Variants in CDH18 observed in about 807,000 individuals in gnomAD.
The protein encoded by CDH18 is cadherin 18.
CDH18 carries 31 observed loss-of-function variants against 67.9 expected under a neutral mutation model. That is an observed-to-expected ratio of 0.46 (90% CI 0.34 to 0.62). CDH18 has a LOEUF of 0.62. CDH18 is among the 20% of genes least tolerant of loss of function. The pLI is 0.01. For missense variants in CDH18, 890 were observed against 975.5 expected (o/e 0.91, Z 1.17); for synonymous variants, 362 against 347.2 (o/e 1.04, Z -0.48).
intron 1 of CDH18, among the ~76,000 whole-genome samples, chr5:20,438,363 T>C (rs1430402576): frequency 6.6e-6 from 1 of 151,324 alleles, no homozygotes; most frequent in Non-Finnish European, 1.5e-5. Flanking sequence ...ATCAGGTATC[T>C]ATATACCCCA....
chr5:20,329,381 A>T (rs1317464812), intron 1 of CDH18, among the ~76,000 whole-genome samples: 1 of 152,236 alleles, frequency 6.6e-6, no homozygotes, highest in African/African-American at 2.4e-5. Flanking sequence ...ACATGGCCAA[A>T]TATTAAAAGG....
At chr5:19,774,850 G>A (rs1304365520) in intron 3 of CDH18, among the ~76,000 whole-genome samples, 9 of 69,076 alleles carry the variant, frequency 1.3e-4, no homozygotes, top group Non-Finnish European at 2.7e-4. Context: ...AAAAAAAAAA[G>A]GCCAAGACTG....
At chr5:19,750,667 ATAC>A (rs1770715081) in intron 3 of CDH18, among the ~76,000 whole-genome samples, 1 of 152,052 alleles carries the variant, frequency 6.6e-6, no homozygotes, top group African/African-American at 2.4e-5. Context: ...GCTAACCACT[ATAC>A]TACTAAGAGA....
At chr5:19,663,753 T>C (rs1231306604) in intron 5 of CDH18, among the ~76,000 whole-genome samples, 2 of 151,964 alleles carry the variant, frequency 1.3e-5, no homozygotes, top group Non-Finnish European at 2.9e-5. Flanking sequence ...ATATTTTTCA[T>C]TTAAATAAAT....
At chr5:19,688,384 CCT>C (rs1761407391) in intron 5 of CDH18, among the ~76,000 whole-genome samples, 1 of 152,242 alleles carries the variant, frequency 6.6e-6, no homozygotes, top group South Asian at 2.1e-4. Context: ...CTCACTATAG[CCT>C]TACAATTAAA....
rs1257524039 is a variant in CDH18 at position 20,508,992 on chromosome 5, A to T, written c.-580+66470T>A. Among the ~76,000 whole-genome samples the T allele has an allele frequency of 1.3e-5, 2 of 152,128 alleles. 1 individual carries two copies. Among genetic ancestry groups the T allele is most frequent in the Non-Finnish European group, 2.9e-5 (2 of 67,998 alleles). ...TGACAATTAAAAATTGTACATATTT[A>T]TTGTGTAAGACATAACATTTTGATA... On this transcript the variant is annotated intron_variant, in intron 1 of 14. Transcript: ENST00000507958.
At chr5:19,540,631 C>T (rs1384705005) in intron 9 of CDH18, among the ~76,000 whole-genome samples, 2 of 152,134 alleles carry the variant, frequency 1.3e-5, no homozygotes, top group African/African-American at 4.8e-5. Context: ...TCTATCTACC[C>T]TCAGGCTCAA....
intron 2 of CDH18, among the ~76,000 whole-genome samples, chr5:19,969,004 A>T (rs1161508709): frequency 1.5e-5 from 2 of 135,404 alleles, no homozygotes; most frequent in East Asian, 4.0e-4. Context: ...CAAGAAAAAA[A>T]CAAACAACCC....
At chr5:19,817,968 A>C (rs533428532) in intron 3 of CDH18, among the ~76,000 whole-genome samples, 1 of 152,262 alleles carries the variant, frequency 6.6e-6, no homozygotes, top group African/African-American at 2.4e-5. Context: ...CTAAAATATA[A>C]ATTTTATATA....
chr5:19,521,899 A>ATTTTTATT (rs1579979737), intron 9 of CDH18, among the ~76,000 whole-genome samples: 1 of 152,156 alleles, frequency 6.6e-6, no homozygotes, highest in East Asian at 1.9e-4. Flanking sequence ...ATATTTCAAA[A>ATTTTTATT]TTTTTATTTA....
At chr5:20,532,664 T>A (rs1257819191) in intron 1 of CDH18, among the ~76,000 whole-genome samples, 1 of 152,076 alleles carries the variant, frequency 6.6e-6, no homozygotes, top group Non-Finnish European at 1.5e-5. Flanking sequence ...ATACCTCTAA[T>A]ATTTGGTTCC....
intron 5 of CDH18, among the ~76,000 whole-genome samples, chr5:19,633,764 G>A (rs1752730330): frequency 6.6e-6 from 1 of 151,966 alleles, no homozygotes. Flanking sequence ...AAGAAAGCTA[G>A]GACCACAGGT....
intron 2 of CDH18, among the ~76,000 whole-genome samples, chr5:20,062,322 A>G (rs934210275): frequency 1.1e-4 from 17 of 151,804 alleles, no homozygotes; most frequent in African/African-American, 3.9e-4. Context: ...TGCCTGGGCT[A>G]CTTGTATTTT....
chr5:19,482,398 G>A (rs1739599022), intron 12 of CDH18, among the ~76,000 whole-genome samples: 1 of 152,196 alleles, frequency 6.6e-6, no homozygotes, highest in South Asian at 2.1e-4. Flanking sequence ...TTACAGGCGT[G>A]AGCCACCGCA....
chr5:19,823,492 G>C (rs1780097789), intron 3 of CDH18, among the ~76,000 whole-genome samples: 1 of 152,112 alleles, frequency 6.6e-6, no homozygotes, highest in Non-Finnish European at 1.5e-5. Context: ...TCCGTTCGGG[G>C]TCCCTAACTT....
intron 2 of CDH18, among the ~76,000 whole-genome samples, chr5:19,888,121 T>C (rs1788419086): frequency 6.6e-6 from 1 of 152,140 alleles, no homozygotes; most frequent in African/African-American, 2.4e-5. Context: ...GCATTATAAT[T>C]AGCTTTGATG....
At chr5:19,788,056 T>C (rs1200675554) in intron 3 of CDH18, among the ~76,000 whole-genome samples, 5 of 152,098 alleles carry the variant, frequency 3.3e-5, no homozygotes, top group African/African-American at 9.7e-5. Flanking sequence ...CTGCCTAAAA[T>C]TAACTAATGC....
At chr5:20,008,233 TA>T (rs1247808289) in intron 2 of CDH18, among the ~76,000 whole-genome samples, 2 of 152,074 alleles carry the variant, frequency 1.3e-5, no homozygotes, top group East Asian at 1.9e-4. Context: ...TTTGAGAATA[TA>T]AAAAAAACAT....
At chr5:19,639,049 C>CTGGAG (rs1753656883) in intron 5 of CDH18, among the ~76,000 whole-genome samples, 1 of 137,650 alleles carries the variant, frequency 7.3e-6, no homozygotes, top group Non-Finnish European at 1.5e-5. Context: ...GTCTCCCAGG[C>CTGGAG]TGGAGTGCAG....
Sources: gnomAD v4.1 joint callset for allele counts (sites outside exome capture counted in the v4.1 genomes callset) on GRCh38, gnomAD v4.1.1 for gene constraint, MANE v1.5 for transcripts, NCBI Gene and HGNC (gene_info 2026-07-23, HGNC 2026-07-21) for gene names.